MRPS27: variants seen among roughly 807,000 people sequenced by gnomAD.
MRPS27 encodes small ribosomal subunit protein mS27.
MRPS27 carries 43 observed loss-of-function variants against 48.9 expected under a neutral mutation model. The ratio of observed to expected loss-of-function variants is 0.88; its 90% CI spans 0.69 to 1.13. MRPS27 has a LOEUF of 1.13. Among genes scored for constraint, MRPS27 ranks in the 50% most tolerant of loss-of-function variants. The pLI is 0.00. For synonymous variants in MRPS27, 188 were observed against 171.9 expected (o/e 1.09, Z -0.73); for missense variants, 467 against 476.3 (o/e 0.98, Z 0.18).
intron 5 of MRPS27, 73 bp downstream of exon 5, chr5:72,237,941 G>A (rs1190276644): frequency 9.6e-7 from 1 of 1,045,290 alleles, no homozygotes; most frequent in South Asian, 1.3e-5. Flanking sequence ...ATTCTTTGCT[G>A]TACTACAATA....
At chr5:72,288,623 CA>C (rs1230288626) in intron 4 of MRPS27, among the ~76,000 whole-genome samples, 1 of 152,164 alleles carries the variant, frequency 6.6e-6, no homozygotes, top group African/African-American at 2.4e-5. Context: ...CAATAATAAG[CA>C]ATCTCCCAGG....
At chr5:72,269,493 T>G (rs1749181299) in intron 4 of MRPS27, among the ~76,000 whole-genome samples, 1 of 152,216 alleles carries the variant, frequency 6.6e-6, no homozygotes, top group Non-Finnish European at 1.5e-5. Context: ...TCCTAAATAT[T>G]AAAACATACT....
rs147654250 is a variant in MRPS27, at chr5:72,275,206, A to C, written c.281+20325T>G. On this transcript the variant is annotated intron_variant, in intron 4 of 10. Coordinates refer to ENST00000261413, the MANE Select transcript of MRPS27 (RefSeq NM_015084.3). ...TCTCAGGATACAAAAATCAATGCAC[A>C]AAAATCACAAGCATTCCTATGTACC... is the stretch of plus-strand genomic sequence containing the variant. 3.0e-4 allele frequency among the ~76,000 whole-genome samples: 45 copies of C among 152,284 alleles called. 1 individual carries two copies. The East Asian group carries it at 8.7e-3, about 29-fold the overall frequency.
chr5:72,308,351 T>A (rs1484402510), intron 2 of MRPS27, among the ~76,000 whole-genome samples: 1 of 152,172 alleles, frequency 6.6e-6, no homozygotes. Flanking sequence ...CGCCGCAGTG[T>A]CCCTTGCTGC....
intron 4 of MRPS27, among the ~76,000 whole-genome samples, chr5:72,281,862 T>A (rs911011580): frequency 6.6e-6 from 1 of 152,240 alleles, no homozygotes; most frequent in African/African-American, 2.4e-5. Context: ...CAATGAAGAC[T>A]AATGATTGAG....
intron 4 of MRPS27, among the ~76,000 whole-genome samples, chr5:72,287,822 T>C (rs1749714428): frequency 6.6e-6 from 1 of 152,228 alleles, no homozygotes; most frequent in African/African-American, 2.4e-5. Flanking sequence ...CTATAAATGG[T>C]ATAATCACTT....
chr5:72,315,648 A>C (rs1253848717), intron 1 of MRPS27, among the ~76,000 whole-genome samples: 1 of 152,164 alleles, frequency 6.6e-6, no homozygotes, highest in Non-Finnish European at 1.5e-5. Flanking sequence ...ATAATTTGCC[A>C]TTAGAGAAAT....
At position 72,297,641 on chromosome 5, in the gene MRPS27, T is replaced by G; in HGVS notation, c.213A>C (p.Thr71=). 6.3e-7 allele frequency: 1 copy of G among 1,589,920 alleles called. No individual in the cohort carries two copies. Among genetic ancestry groups the G allele is most frequent in the Non-Finnish European group, 8.6e-7 (1 of 1,164,126 alleles). The change falls in exon 3 of 11, where the codon ACA becomes ACC. Residue 71 remains threonine (T), a synonymous_variant. Coordinates refer to ENST00000261413, the MANE Select transcript of MRPS27 (RefSeq NM_015084.3). ...GTTAAAATTTTCTTACCCGTGATATTGTTAAAGAACTAACAGGCAACTTTC... is the reference window on the plus strand; with the variant it reads ...GTTAAAATTTTCTTACCCGTGATATGGTTAAAGAACTAACAGGCAACTTTC... ...FERKLPVSSL[T]ISRLIDNISS...
chr5:72,265,595 C>T (rs1254989609), intron 4 of MRPS27, among the ~76,000 whole-genome samples: 1 of 152,120 alleles, frequency 6.6e-6, no homozygotes, highest in African/African-American at 2.4e-5. Flanking sequence ...CAGGACTGAG[C>T]CTTGGGGTGG....
intron 2 of MRPS27, among the ~76,000 whole-genome samples, chr5:72,299,083 A>G (rs1418190324): frequency 2.0e-5 from 3 of 152,152 alleles, no homozygotes; most frequent in African/African-American, 4.8e-5. Context: ...ATACACGGAC[A>G]TAAATATGGG....
At position 72,234,026 on chromosome 5, in the gene MRPS27, T is replaced by A. The variant is rs1748131314; in HGVS notation, c.475+93A>T. ...TAAACGAGTAATGAAGAGATGTTAT[T>A]AAGAAATAAAAAAGGGGAAGTTCCT... On this transcript the variant is annotated intron_variant, in intron 6 of 10. Coordinates refer to ENST00000261413, the MANE Select transcript of MRPS27 (RefSeq NM_015084.3). The A allele has an allele frequency of 3.9e-6, 5 of 1,291,526 alleles. No individual in the cohort carries two copies. The South Asian group carries it at 6.0e-5, about 16-fold the overall frequency. 80.0% of individuals were successfully genotyped at this position (1,291,526 alleles called of 1,614,324 possible). A position where few individuals can be genotyped will look rare whatever the true frequency, so the allele number is the denominator to read the frequency against.
intron 1 of MRPS27, 58 bp from the exon 2 acceptor site, chr5:72,314,216 T>C: frequency 8.0e-7 from 1 of 1,257,770 alleles, no homozygotes; most frequent in East Asian, 2.3e-5. Flanking sequence ...TCATTTTATA[T>C]GTTTTATTAA....
At chr5:72,289,951 T>G (rs767163593) in intron 4 of MRPS27, among the ~76,000 whole-genome samples, 4 of 152,166 alleles carry the variant, frequency 2.6e-5, no homozygotes, top group Non-Finnish European at 5.9e-5. Context: ...ATATCCTCAG[T>G]GAAGATGAGG....
intron 1 of MRPS27, chr5:72,319,914 C>G: frequency 1.8e-6 from 1 of 549,238 alleles, no homozygotes; most frequent in East Asian, 3.1e-5. Context: ...TACGCAAATT[C>G]CCTCATGCTA....
At position 72,276,558 on chromosome 5, in the gene MRPS27, G is replaced by A. The variant is rs190683334; in HGVS notation, c.281+18973C>T. Among the ~76,000 whole-genome samples the A allele has an allele frequency of 3.7e-3, 566 of 152,238 alleles. 1 individual carries two copies. The highest frequency in any genetic ancestry group is 0.013 in the African/African-American group (550 of 41,532). ...AGCAATTGCAACATAAACAGAAAAT[G>A]ACAAATGGGATCTAATTAAACTGAA... On this transcript the variant is annotated intron_variant, in intron 4 of 10. Coordinates refer to ENST00000261413, the MANE Select transcript of MRPS27 (RefSeq NM_015084.3).
At chr5:72,243,411 C>G (rs1462478722) in intron 4 of MRPS27, among the ~76,000 whole-genome samples, 1 of 152,008 alleles carries the variant, frequency 6.6e-6, no homozygotes, top group African/African-American at 2.4e-5. Context: ...ATTAGTTGCC[C>G]TCAACTACCA....
chr5:72,223,950 T>G, intron 9 of MRPS27, 100 bp from the exon 10 acceptor site: 20 of 1,146,690 alleles, frequency 1.7e-5, no homozygotes, highest in Non-Finnish European at 2.4e-5. Context: ...GAATGAGCTC[T>G]AAAAGACTGT....
intron 4 of MRPS27, among the ~76,000 whole-genome samples, chr5:72,251,224 A>G (rs2111983215): frequency 6.6e-6 from 1 of 152,308 alleles, no homozygotes; most frequent in Admixed American, 6.5e-5. Context: ...CAGTAGGAAG[A>G]ACTGGGTCAG....
At chr5:72,242,734 A>C (rs1490502310) in intron 4 of MRPS27, among the ~76,000 whole-genome samples, 1 of 150,306 alleles carries the variant, frequency 6.7e-6, no homozygotes, top group Non-Finnish European at 1.5e-5. Context: ...ACACATACAC[A>C]CCAAAAATAG....
Sources: gnomAD v4.1 joint callset for allele counts (sites outside exome capture counted in the v4.1 genomes callset) on GRCh38, gnomAD v4.1.1 for gene constraint, MANE v1.5 for transcripts, NCBI Gene and HGNC (gene_info 2026-07-23, HGNC 2026-07-21) for gene names.